CNBD1: variants seen among roughly 807,000 people sequenced by gnomAD.
CNBD1 encodes cyclic nucleotide-binding domain-containing protein 1.
A neutral mutation model predicts 54.4 loss-of-function variants in CNBD1; 71 were observed. The ratio of observed to expected loss-of-function variants is 1.30; its 90% CI spans 1.08 to 1.59. CNBD1 has a LOEUF of 1.59. Among genes scored for constraint, CNBD1 ranks in the 40% most tolerant of loss-of-function variants. The probability of loss-of-function intolerance (pLI) is 0.00; values close to 1 mark genes in which losing one functional copy is unlikely to be tolerated. For missense variants in CNBD1, 659 were observed against 518.0 expected (o/e 1.27, Z -2.64); for synonymous variants, 182 against 170.7 (o/e 1.07, Z -0.51).
At chr8:87,395,311 C>T (rs1164013234) in intron 2 of CNBD1, among the ~76,000 whole-genome samples, 1 of 151,616 alleles carries the variant, frequency 6.6e-6, no homozygotes, top group Non-Finnish European at 1.5e-5. Flanking sequence ...TATTTTTTGC[C>T]AGTAGTGAAA....
At chr8:87,380,595 A>T in intron 10 of CNBD1, among the ~76,000 whole-genome samples, 1 of 152,034 alleles carries the variant, frequency 6.6e-6, no homozygotes, top group East Asian at 1.9e-4. Flanking sequence ...TTGAATCTGT[A>T]GGTCTCATTG....
At chr8:87,209,854 A>C (rs1814055188) in intron 5 of CNBD1, among the ~76,000 whole-genome samples, 1 of 152,104 alleles carries the variant, frequency 6.6e-6, no homozygotes. Flanking sequence ...TTGTGTCCCC[A>C]CCCAAATCTT....
chr8:86,992,711 C>T (rs974971008), intron 4 of CNBD1, among the ~76,000 whole-genome samples: 3 of 151,990 alleles, frequency 2.0e-5, no homozygotes, highest in Non-Finnish European at 4.4e-5. Flanking sequence ...GATTATCTCT[C>T]CTTCACTTAT....
rs79773074 is a variant in CNBD1, at chr8:87,356,810, T to A, written c.1303+3024T>A. ...AGACAAGTGCCAATATTCAAGATAA[T>A]GGGAGAAGGTCCTCAAAGGAATTTC... On this transcript the variant is annotated intron_variant, in intron 10 of 10. Coordinates refer to ENST00000518476, the MANE Select transcript of CNBD1 (RefSeq NM_173538.3). Among the ~76,000 whole-genome samples, 1,478 of 152,276 alleles carry A rather than the reference T, an allele frequency of 9.7e-3. 20 individuals are homozygous for A. Among genetic ancestry groups the A allele is most frequent in the African/African-American group, 0.033 (1,357 of 41,570 alleles).
chr8:87,247,005 G>T (rs1211957294), intron 6 of CNBD1, among the ~76,000 whole-genome samples: 1 of 152,040 alleles, frequency 6.6e-6, no homozygotes, highest in African/African-American at 2.4e-5. Flanking sequence ...CCTATGTCCA[G>T]TCTACTCCAT....
chr8:87,167,306 CA>C (rs1270229679), intron 4 of CNBD1, among the ~76,000 whole-genome samples: 1 of 151,872 alleles, frequency 6.6e-6, no homozygotes, highest in Non-Finnish European at 1.5e-5. Flanking sequence ...AAACATTGAT[CA>C]TTTTTTTGTG....
intron 3 of CNBD1, among the ~76,000 whole-genome samples, chr8:86,914,972 A>T (rs1424422162): frequency 6.6e-6 from 1 of 152,238 alleles, no homozygotes; most frequent in Non-Finnish European, 1.5e-5. Context: ...GAGCCAATTT[A>T]TCAAGGCAGG....
chr8:87,367,602 A>G (rs917286802), intron 10 of CNBD1, among the ~76,000 whole-genome samples: 3 of 152,094 alleles, frequency 2.0e-5, no homozygotes, highest in Admixed American at 1.3e-4. Context: ...CCACTTTTTA[A>G]TTACCTTGAA....
chr8:87,028,612 G>C (rs1461764681), intron 4 of CNBD1, among the ~76,000 whole-genome samples: 19 of 152,200 alleles, frequency 1.2e-4, no homozygotes, highest in Admixed American at 1.2e-3. Flanking sequence ...TATATAGCAG[G>C]TAAGAAATGT....
Position 87,141,278 on chromosome 8 carries a change from A to G in CNBD1, c.432-64715A>G, listed in dbSNP as rs1812364639. On this transcript the variant is annotated intron_variant, in intron 4 of 10. Coordinates refer to ENST00000518476, the MANE Select transcript of CNBD1 (RefSeq NM_173538.3). ...TTCTATATTTCCAGTGATATGATGT[A>G]GAAATCAATGCTGTTGTTACTAACT... Among the ~76,000 whole-genome samples the G allele has an allele frequency of 1.3e-5, 2 of 152,172 alleles. 1 individual carries two copies. Among genetic ancestry groups the G allele is most frequent in the South Asian group, 4.1e-4 (2 of 4,834 alleles).
intron 5 of CNBD1, among the ~76,000 whole-genome samples, chr8:87,219,671 C>T (rs1814285533): frequency 6.6e-6 from 1 of 151,926 alleles, no homozygotes; most frequent in African/African-American, 2.4e-5. Flanking sequence ...AAGTCATGAA[C>T]AACTGAAATT....
At chr8:87,316,133 C>G (rs1190126352) in intron 8 of CNBD1, among the ~76,000 whole-genome samples, 2 of 151,826 alleles carry the variant, frequency 1.3e-5, no homozygotes, top group Middle Eastern at 3.2e-3. Context: ...TTCTACATGG[C>G]AAAAGGTTTA....
chr8:87,190,867 A>ATATAGGTACATGTACCTATATCTATT lies in CNBD1; in HGVS notation c.432-15124_432-15123insTAGGTACATGTACCTATATCTATTTA, dbSNP rs1451932529. ...TATAGATACATGTACCTATATCTAA[A>ATATAGGTACATGTACCTATATCTATT]TAGATATAGATACATGTACGTATAT... On this transcript the variant is annotated intron_variant, in intron 4 of 10. Coordinates refer to ENST00000518476, the MANE Select transcript of CNBD1 (RefSeq NM_173538.3). 3.4e-3 allele frequency among the ~76,000 whole-genome samples: 202 copies of ATATAGGTACATGTACCTATATCTATT among 59,568 alleles called. 9 individuals carry two copies. The highest frequency in any genetic ancestry group is 9.5e-3 in the African/African-American group (172 of 18,050). The allele number at this position is 59,568 out of a possible 152,430, so 39.1% of individuals were successfully genotyped here. A position where few individuals can be genotyped will look rare whatever the true frequency, so the allele number is the denominator to read the frequency against.
At chr8:87,231,105 C>T (rs760443720) in intron 5 of CNBD1, among the ~76,000 whole-genome samples, 1 of 152,040 alleles carries the variant, frequency 6.6e-6, no homozygotes, top group Non-Finnish European at 1.5e-5. Context: ...CTCTTATGAA[C>T]AAGTAACTAA....
chr8:87,248,047 A>G (rs1037287319), intron 6 of CNBD1, among the ~76,000 whole-genome samples: 7 of 152,188 alleles, frequency 4.6e-5, no homozygotes, highest in African/African-American at 1.7e-4. Flanking sequence ...AATCATTCAA[A>G]GACTTTAATT....
chr8:87,360,851 T>C (rs912738308), intron 10 of CNBD1, among the ~76,000 whole-genome samples: 1 of 151,930 alleles, frequency 6.6e-6, no homozygotes, highest in African/African-American at 2.4e-5. Flanking sequence ...GAAGAATGCC[T>C]AAAGACTATC....
At chr8:87,017,365 C>T (rs1297757249) in intron 4 of CNBD1, among the ~76,000 whole-genome samples, 1 of 152,134 alleles carries the variant, frequency 6.6e-6, no homozygotes, top group Admixed American at 6.5e-5. Flanking sequence ...CGCTGCATAG[C>T]CTTTTGTGTG....
At chr8:87,425,641 G>A (rs1334274609) in intron 2 of CNBD1, among the ~76,000 whole-genome samples, 2 of 152,042 alleles carry the variant, frequency 1.3e-5, no homozygotes, top group Non-Finnish European at 2.9e-5. Flanking sequence ...GGGGGTCAGG[G>A]GTCAGGGACC....
At chr8:87,412,865 G>A (rs1250028092) in intron 2 of CNBD1, among the ~76,000 whole-genome samples, 1 of 152,008 alleles carries the variant, frequency 6.6e-6, no homozygotes, top group Admixed American at 6.6e-5. Flanking sequence ...TCTTATATAA[G>A]ACAAGGTAAA....
Sources: gnomAD v4.1 joint callset for allele counts (sites outside exome capture counted in the v4.1 genomes callset) on GRCh38, gnomAD v4.1.1 for gene constraint, MANE v1.5 for transcripts, NCBI Gene and HGNC (gene_info 2026-07-23, HGNC 2026-07-21) for gene names.